ADAMTS9: variants seen among roughly 807,000 people sequenced by gnomAD.
The protein encoded by ADAMTS9 is A disintegrin and metalloproteinase with thrombospondin motifs 9.
In ADAMTS9, 107 loss-of-function variants were observed where a neutral mutation model predicts 257.1. That is an observed-to-expected ratio of 0.42 (90% confidence interval 0.36 to 0.49). The LOEUF is 0.49. Among genes scored for constraint, ADAMTS9 ranks in the 20% least tolerant of loss-of-function variants. ADAMTS9 has a pLI of 0.03. For synonymous variants in ADAMTS9, 982 were observed against 880.9 expected (o/e 1.11, Z -2.03); for missense variants, 2,353 against 2,469.1 (o/e 0.95, Z 1.00).
chr3:64,565,946 T>C (rs537515998), intron 29 of ADAMTS9: 1 of 152,272 alleles, frequency 6.6e-6, no homozygotes, highest in South Asian at 2.1e-4. Flanking sequence ...AAAACATCAA[T>C]ACTAGCAGAG....
chr3:64,629,645 T>C (rs372780109), intron 16 of ADAMTS9, among the ~76,000 whole-genome samples: 1 of 152,380 alleles, frequency 6.6e-6, no homozygotes, highest in East Asian at 1.9e-4. Context: ...TATAACACTA[T>C]GGAGTTTTCT....
chr3:64,548,489 C>T (rs2083229810), intron 31 of ADAMTS9, among the ~76,000 whole-genome samples: 1 of 152,108 alleles, frequency 6.6e-6, no homozygotes, highest in Non-Finnish European at 1.5e-5. Flanking sequence ...CATGCATTGA[C>T]AACAGTCCAT....
At chr3:64,632,953 T>G (rs577630246) in intron 14 of ADAMTS9, among the ~76,000 whole-genome samples, 1 of 152,236 alleles carries the variant, frequency 6.6e-6, no homozygotes, top group Non-Finnish European at 1.5e-5. Flanking sequence ...ATCACTGCTC[T>G]GATGCTTTGC....
At chr3:64,634,575 C>T (rs190416432) in intron 12 of ADAMTS9, among the ~76,000 whole-genome samples, 15 of 152,306 alleles carry the variant, frequency 9.8e-5, no homozygotes, top group Middle Eastern at 3.4e-3. Context: ...ATTTAATCTC[C>T]GCATGCAACC....
intron 2 of ADAMTS9, among the ~76,000 whole-genome samples, chr3:64,683,772 C>G (rs1701819392): frequency 1.3e-5 from 2 of 152,046 alleles, no homozygotes; most frequent in East Asian, 3.9e-4. Flanking sequence ...ACATACAAAG[C>G]TCCAATATAG....
At chr3:64,607,754 CA>C (rs2084585137) in intron 22 of ADAMTS9, among the ~76,000 whole-genome samples, 1 of 152,038 alleles carries the variant, frequency 6.6e-6, no homozygotes, top group African/African-American at 2.4e-5. Context: ...GGAATTTAAA[CA>C]AAACCTTGCA....
chr3:64,681,050 T>C (rs1180013347), intron 3 of ADAMTS9, 151 bp downstream of exon 3: 4 of 831,420 alleles, frequency 4.8e-6, no homozygotes, highest in Non-Finnish European at 7.3e-6. Flanking sequence ...ATCTGTACAG[T>C]GGGGTATGTA....
intron 16 of ADAMTS9, among the ~76,000 whole-genome samples, chr3:64,623,959 C>T (rs1464875792): frequency 2.6e-5 from 4 of 151,720 alleles, no homozygotes; most frequent in African/African-American, 9.7e-5. Flanking sequence ...GAATCGAGTG[C>T]CAAAATGTTG....
intron 31 of ADAMTS9, chr3:64,550,097 T>G (rs543982959): frequency 2.6e-5 from 4 of 152,270 alleles, no homozygotes; most frequent in African/African-American, 9.6e-5. Context: ...GCTACAGATC[T>G]CTCATACAGA....
intron 4 of ADAMTS9, among the ~76,000 whole-genome samples, chr3:64,656,271 G>T (rs1701066623): frequency 6.6e-6 from 1 of 152,144 alleles, no homozygotes; most frequent in Non-Finnish European, 1.5e-5. Context: ...GCCACCCATT[G>T]TGTCCTTGAC....
At chr3:64,684,142 G>C (rs1701831043) in intron 2 of ADAMTS9, among the ~76,000 whole-genome samples, 1 of 152,188 alleles carries the variant, frequency 6.6e-6, no homozygotes. Context: ...GTGGAGGAAA[G>C]ATTGGGAGCT....
intron 28 of ADAMTS9, among the ~76,000 whole-genome samples, chr3:64,585,655 G>A (rs1262735212): frequency 1.3e-5 from 2 of 152,106 alleles, no homozygotes; most frequent in Admixed American, 6.6e-5. Flanking sequence ...CAGATGTAAA[G>A]TCACCTGACT....
At position 64,658,873 on chromosome 3, in the gene ADAMTS9, T is replaced by C. The variant is rs60874601; in HGVS notation, c.680-82A>G. On this transcript the variant is annotated intron_variant, in intron 3 of 39. Transcript: ENST00000498707. Reference sequence around the variant, plus strand: ...GAATTTAATTTGACACATTTTAAATTGATCCCTCTGTGGTCAAACTACATA... The same window carrying C: ...GAATTTAATTTGACACATTTTAAATCGATCCCTCTGTGGTCAAACTACATA... 7,029 of 1,428,050 alleles carry C rather than the reference T, an allele frequency of 4.9e-3. 261 individuals are homozygous for C. The East Asian group carries it at 0.094, about 19-fold the overall frequency. 88.5% of individuals were successfully genotyped at this position (1,428,050 alleles called of 1,614,324 possible).
chr3:64,520,010 C>T (rs537142770), intron 39 of ADAMTS9, among the ~76,000 whole-genome samples: 18 of 152,184 alleles, frequency 1.2e-4, no homozygotes, highest in African/African-American at 4.1e-4. Context: ...AATTATCTTC[C>T]TTCACTGACA....
At chr3:64,521,603 G>C (rs1575973007) in intron 39 of ADAMTS9, 1 of 152,356 alleles carries the variant, frequency 6.6e-6, no homozygotes, top group Non-Finnish European at 1.5e-5. Flanking sequence ...GAAATACTAT[G>C]CAGCCATAAA....
At chr3:64,601,922 G>A (rs2084469134) in intron 26 of ADAMTS9, 22 bp downstream of exon 26, 1 of 1,562,078 alleles carries the variant, frequency 6.4e-7, no homozygotes, top group Non-Finnish European at 8.7e-7. Flanking sequence ...AGAGAAGCAA[G>A]CAAACTTCAG....
Position 64,687,344 on chromosome 3 carries a change from T to A in ADAMTS9, c.115+199A>T, listed in dbSNP as rs1207921688. Among the ~76,000 whole-genome samples the A allele has an allele frequency of 6.7e-6, 1 of 149,766 alleles. No individual in the cohort carries two copies. The highest frequency in any genetic ancestry group is 2.5e-5 in the African/African-American group (1 of 40,444). Reference sequence around the variant, plus strand: ...CTGGCAACAGCAAGGTAGGGGGGGGTTGCCTAAATTCGTTTCCATAGTGTC... The same window carrying A: ...CTGGCAACAGCAAGGTAGGGGGGGGATGCCTAAATTCGTTTCCATAGTGTC... On this transcript the variant is annotated intron_variant, in intron 1 of 39. Coordinates refer to ENST00000498707, the MANE Select transcript of ADAMTS9 (RefSeq NM_182920.2). The surrounding 1 kb of genome is among the most constrained non-coding windows in gnomAD (Gnocchi z 4.4).
At chr3:64,665,672 T>C (rs1701336758) in intron 3 of ADAMTS9, among the ~76,000 whole-genome samples, 1 of 152,210 alleles carries the variant, frequency 6.6e-6, no homozygotes, top group Non-Finnish European at 1.5e-5. Flanking sequence ...ATACTCCTAG[T>C]GGGGCAAATC....
Position 64,617,237 on chromosome 3 carries a change from G to A in ADAMTS9, c.2814-1067C>T, listed in dbSNP as rs1463493373. ...ACAGAAGCATCTGGAACTTTCATCT[G>A]CCCTTTGATTCTTGGCTACCTTCTC... On this transcript the variant is annotated intron_variant, in intron 19 of 39. Transcript: ENST00000498707. Among the ~76,000 whole-genome samples the A allele has an allele frequency of 2.0e-5, 3 of 152,134 alleles. No individual in the cohort carries two copies. In the East Asian group the frequency reaches 5.8e-4, roughly 29 times the overall value.
Sources: gnomAD v4.1 joint callset for allele counts (sites outside exome capture counted in the v4.1 genomes callset) on GRCh38, gnomAD v4.1.1 for gene constraint, Gnocchi (gnomAD v3.1) non-coding constraint, MANE v1.5 for transcripts, NCBI Gene and HGNC (gene_info 2026-07-23, HGNC 2026-07-21) for gene names.